Variants in ICAM2 observed in about 807,000 individuals in gnomAD.
The protein encoded by ICAM2 is intercellular adhesion molecule 2.
In ICAM2, 14 loss-of-function variants were observed where a neutral mutation model predicts 19.1. The ratio of observed to expected loss-of-function variants is 0.73; its 90% CI spans 0.48 to 1.15. The LOEUF (loss-of-function observed/expected upper bound fraction) is 1.15, where lower values mean the gene tolerates loss of function less well. Among genes scored for constraint, ICAM2 ranks in the 50% most tolerant of loss-of-function variants. The pLI is 0.00. For synonymous variants in ICAM2, 153 were observed against 152.7 expected (o/e 1.00, Z -0.01); for missense variants, 311 against 355.4 (o/e 0.88, Z 1.00).
chr17:64,003,530 A>G (rs2143171467), intron 4 of ICAM2, 114 bp downstream of exon 4: 1 of 942,446 alleles, frequency 1.1e-6, no homozygotes, highest in Non-Finnish European at 1.6e-6. Context: ...AAGCCTCAGG[A>G]TGAAGGGTGG....
chr17:64,009,533 C>T (rs955623628), intron 1 of ICAM2, among the ~76,000 whole-genome samples: 28 of 152,078 alleles, frequency 1.8e-4, no homozygotes, highest in African/African-American at 6.3e-4. Flanking sequence ...CTGCAACGTC[C>T]GCCTCCTGGG....
In ICAM2 at chr17:64,006,696, G is replaced by A; in HGVS notation, c.-5C>T. The stretch of plus-strand genomic sequence containing the variant: ...CCTGTAACCGAAAGAGGACATCTCT[G>A]GCAGTCTCCACGGGCTCGCAGGGAC... On this transcript the variant is annotated 5_prime_UTR_variant, in exon 2 of 5. Coordinates refer to ENST00000579788, the MANE Select transcript of ICAM2 (RefSeq NM_001099789.2). 2 of 1,614,066 alleles carry A rather than the reference G, an allele frequency of 1.2e-6. No individual in the cohort carries two copies. Among genetic ancestry groups the A allele is most frequent in the Non-Finnish European group, 1.7e-6 (2 of 1,179,928 alleles).
intron 1 of ICAM2, among the ~76,000 whole-genome samples, chr17:64,019,174 A>C (rs553370653): frequency 2.6e-5 from 4 of 152,350 alleles, no homozygotes; most frequent in African/African-American, 9.6e-5. Flanking sequence ...TAAAGCATTT[A>C]GAACAGTGCC....
chr17:64,010,678 G>C (rs1911415889), intron 1 of ICAM2, among the ~76,000 whole-genome samples: 1 of 151,962 alleles, frequency 6.6e-6, no homozygotes, highest in Admixed American at 6.6e-5. Context: ...TCAGTAAGAA[G>C]AAAAAATGAT....
intron 4 of ICAM2, chr17:64,003,406 T>A (rs1043342975): frequency 1.8e-6 from 1 of 558,468 alleles, no homozygotes; most frequent in Non-Finnish European, 3.2e-6. Context: ...GCCGTCAAGG[T>A]CATGGGGCTT....
At chr17:64,008,938 C>T (rs190899821) in intron 1 of ICAM2, among the ~76,000 whole-genome samples, 59 of 152,346 alleles carry the variant, frequency 3.9e-4, no homozygotes, top group African/African-American at 1.1e-3. Context: ...AAAGCACAGG[C>T]CCCAGTTCCT....
intron 1 of ICAM2, among the ~76,000 whole-genome samples, chr17:64,011,372 G>A (rs1013112331): frequency 6.6e-6 from 1 of 152,200 alleles, no homozygotes; most frequent in Non-Finnish European, 1.5e-5. Flanking sequence ...TGAGGCAGGA[G>A]AATTGCTTGA....
chr17:64,005,796 A>G (rs2143194145), intron 2 of ICAM2: 1 of 215,120 alleles, frequency 4.6e-6, no homozygotes, highest in African/African-American at 2.3e-5. Flanking sequence ...TTTCTTGCAC[A>G]AACACTTTTT....
At chr17:64,010,738 T>C (rs1911418331) in intron 1 of ICAM2, among the ~76,000 whole-genome samples, 1 of 152,036 alleles carries the variant, frequency 6.6e-6, no homozygotes, top group Non-Finnish European at 1.5e-5. Flanking sequence ...AAATGGCAAA[T>C]GAGTACACAA....
At chr17:64,004,827 A>C in intron 3 of ICAM2, 1 of 522,928 alleles carries the variant, frequency 1.9e-6, no homozygotes, top group Non-Finnish European at 3.5e-6. Flanking sequence ...TGACTCAGCT[A>C]TGTTGGGAAA....
In ICAM2 at chr17:64,005,193, G is replaced by A; in HGVS notation, c.242C>T (p.Ser81Leu). 1.2e-6 allele frequency: 2 copies of A among 1,614,140 alleles called. No individual in the cohort carries two copies. Among genetic ancestry groups the A allele is most frequent in the African/African-American group, 1.3e-5 (1 of 75,018 alleles). ...EQAQWKHYLV[S>L]NISHDTVLQC... is the part of the protein sequence containing the mutation. ...GAGGACCGTGTCATGGGAGATGTTTGAGACCAAGTAATGTTTCCACTGAGC... is the reference window on the plus strand; with the variant it reads ...GAGGACCGTGTCATGGGAGATGTTTAAGACCAAGTAATGTTTCCACTGAGC... The change falls in exon 3 of 5, where the codon TCA (serine) becomes TTA (leucine). Residue 81 changes from serine to leucine, a missense_variant. Ser to Leu is a moderately radical substitution (Grantham distance 145, BLOSUM62 -2). Coordinates refer to ENST00000579788, the MANE Select transcript of ICAM2 (RefSeq NM_001099789.2).
At chr17:64,008,262 C>G (rs1279017176) in intron 1 of ICAM2, among the ~76,000 whole-genome samples, 1 of 152,144 alleles carries the variant, frequency 6.6e-6, no homozygotes, top group Non-Finnish European at 1.5e-5. Context: ...GTTTCACCCC[C>G]AGCCTGAAGG....
chr17:64,005,013 T>C, intron 3 of ICAM2, 94 bp downstream of exon 3: 1 of 1,419,680 alleles, frequency 7.0e-7, no homozygotes, highest in East Asian at 2.3e-5. Context: ...ACGATGACAG[T>C]GCCCAGGAGC....
At chr17:64,018,920 TC>T (rs1911831375) in intron 1 of ICAM2, among the ~76,000 whole-genome samples, 1 of 151,674 alleles carries the variant, frequency 6.6e-6, no homozygotes, top group Non-Finnish European at 1.5e-5. Context: ...TGGGGTTTCA[TC>T]TTGTTGGCCA....
At chr17:64,012,582 A>C (rs752991983) in intron 1 of ICAM2, among the ~76,000 whole-genome samples, 10 of 152,202 alleles carry the variant, frequency 6.6e-5, no homozygotes, top group Non-Finnish European at 1.5e-4. Flanking sequence ...CTTGGGTAAC[A>C]CAGCAAAATT....
Position 64,017,878 on chromosome 17 carries a change from G to T in ICAM2, c.-45+2645C>A, listed in dbSNP as rs1598028429. ...ATTAACCATATAGAGAAAAAAAGGG[G>T]AAAATGTATCCCTATCTCACACCAA... On this transcript the variant is annotated intron_variant, in intron 1 of 4. Transcript: ENST00000579788. Among the ~76,000 whole-genome samples, 3 of 152,134 alleles carry T rather than the reference G, an allele frequency of 2.0e-5. No individual in the cohort carries two copies. In the East Asian group the frequency reaches 5.8e-4, roughly 29 times the overall value.
chr17:64,018,215 T>G (rs1358990766), intron 1 of ICAM2, among the ~76,000 whole-genome samples: 1 of 150,554 alleles, frequency 6.6e-6, no homozygotes, highest in African/African-American at 2.4e-5. Flanking sequence ...GCACCTGTAG[T>G]CCCAGCTACT....
chr17:64,005,221 G>C lies in ICAM2; in HGVS notation c.214C>G (p.Gln72Glu). 6.2e-7 allele frequency: 1 copy of C among 1,614,184 alleles called. No homozygotes were observed. The highest frequency in any genetic ancestry group is 8.5e-7 in the Non-Finnish European group (1 of 1,180,028). Reference protein sequence around the residue: ...TSLDKILLDEQAQWKHYLVSN... With the variant: ...TSLDKILLDEEAQWKHYLVSN... ...ACCAAGTAATGTTTCCACTGAGCCT[G>C]TTCGTCCAGCAGAATCTTATCTAGA... Residue 72 changes from glutamine to glutamate, a missense_variant, in exon 3 of 5, where the codon CAG becomes GAG. Gln to Glu is a conservative substitution (Grantham distance 29). Transcript: ENST00000579788.
rs1010999763 is a variant in ICAM2 at position 64,014,561 on chromosome 17, AAGAG to A, written c.-45+5958_-45+5961del. Among the ~76,000 whole-genome samples the A allele has an allele frequency of 3.7e-5, 5 of 135,946 alleles. No homozygotes were observed. In the East Asian group the frequency reaches 6.8e-4, roughly 18 times the overall value. The allele number at this position is 135,946 out of a possible 152,430, so 89.2% of individuals were successfully genotyped here. A position where few individuals can be genotyped will look rare whatever the true frequency, so the allele number is the denominator to read the frequency against. On this transcript the variant is annotated intron_variant, in intron 1 of 4. Transcript: ENST00000579788. ...AGAGAAAGGAAGGAAGGAAGAAAGA[AAGAG>A]AGAGAGAAAGGAAGGAAGGAAGGAA...
Sources: allele counts gnomAD v4.1 joint callset (sites outside exome capture counted in the v4.1 genomes callset), GRCh38; gene constraint gnomAD v4.1.1; transcripts MANE v1.5; gene names NCBI Gene and HGNC (gene_info 2026-07-23, HGNC 2026-07-21).